SNRNP200: variants seen among roughly 807,000 people sequenced by gnomAD.
SNRNP200 encodes U5 small nuclear ribonucleoprotein 200 kDa helicase.
A neutral mutation model predicts 255.2 loss-of-function variants in SNRNP200; 66 were observed. That is an observed-to-expected ratio of 0.26 (90% CI 0.21 to 0.32). The LOEUF (loss-of-function observed/expected upper bound fraction) is 0.32, where lower values mean the gene tolerates loss of function less well. Ranked by LOEUF, SNRNP200 falls within the 10% of genes least tolerant of loss-of-function variation. The pLI, the probability that SNRNP200 is intolerant of heterozygous loss-of-function variation, is 1.00. For synonymous variants in SNRNP200, 939 were observed against 1,027.8 expected (o/e 0.91, Z 1.65); for missense variants, 1,585 against 2,749.8 (o/e 0.58, Z 9.47).
At chr2:96,297,752 C>A in intron 9 of SNRNP200, 32 bp from the exon 10 acceptor site, 1 of 1,611,436 alleles carries the variant, frequency 6.2e-7, no homozygotes, top group Non-Finnish European at 8.5e-7. Flanking sequence ...ATCACAAAAA[C>A]AATTCATCAG....
Position 96,305,439 on chromosome 2 carries a change from G to A in SNRNP200, c.-2C>T, listed in dbSNP as rs139849028. 3.4e-5 allele frequency: 55 copies of A among 1,614,130 alleles called. No individual in the cohort carries two copies. In the African/African-American group the frequency reaches 3.9e-4, roughly 11 times the overall value. On this transcript the variant is annotated 5_prime_UTR_variant, in exon 1 of 45. Coordinates refer to ENST00000323853, the MANE Select transcript of SNRNP200 (RefSeq NM_014014.5). ...ACTACGGGCGGTTACATCCGCCATG[G>A]CCGCGGCTGCTCGGAGGCTTCAGAC...
chr2:96,280,374 G>A (rs1684738272), intron 35 of SNRNP200, among the ~76,000 whole-genome samples: 1 of 151,856 alleles, frequency 6.6e-6, no homozygotes, highest in Non-Finnish European at 1.5e-5. Context: ...GGCACATGCT[G>A]GTAGTCCCAG....
chr2:96,290,904 C>G lies in SNRNP200; in HGVS notation c.2422-89G>C, dbSNP rs1024874290. 1.5e-5 allele frequency: 24 copies of G among 1,554,860 alleles called. No individual in the cohort carries two copies. In the African/African-American group the frequency reaches 2.7e-4, roughly 18 times the overall value. On this transcript the variant is annotated intron_variant, in intron 18 of 44. Coordinates refer to ENST00000323853, the MANE Select transcript of SNRNP200 (RefSeq NM_014014.5). This position sits in a 1 kb window ranked among gnomAD's most constrained non-coding sequence, Gnocchi z 4.5. The stretch of plus-strand genomic sequence containing the variant: ...CTTCTCTAGGCAGTTGGCCTCAGAG[C>G]TTCTCTCAGGACTAGCCGGTAGGGC...
Position 96,287,821 on chromosome 2 carries a change from C to G in SNRNP200, c.3365+42G>C, listed in dbSNP as rs2063852757. 1.3e-6 allele frequency: 2 copies of G among 1,557,822 alleles called. No homozygotes were observed. Among genetic ancestry groups the G allele is most frequent in the East Asian group, 4.5e-5 (2 of 44,610 alleles). ...CCCATCAGACCCTTGGGTTGGGGAC[C>G]CCCACTCATGGTGACCAGCATCCAG... On this transcript the variant is annotated intron_variant, in intron 25 of 44. Transcript: ENST00000323853. The surrounding 1 kb of genome is among the most constrained non-coding windows in gnomAD (Gnocchi z 5.7).
At position 96,286,043 on chromosome 2, in the gene SNRNP200, G is replaced by A. The variant is rs1384677919; in HGVS notation, c.4003+268C>T. The stretch of plus-strand genomic sequence containing the variant: ...GTTCTGGTTCAATACTTGAGCGCCA[G>A]GGGCAGGCCTCTAAGCCTCCTGGGC... On this transcript the variant is annotated intron_variant, in intron 29 of 44. Coordinates refer to ENST00000323853, the MANE Select transcript of SNRNP200 (RefSeq NM_014014.5). This position sits in a 1 kb window ranked among gnomAD's most constrained non-coding sequence, Gnocchi z 4.8. Among the ~76,000 whole-genome samples, 1 of 152,234 alleles carries A rather than the reference G, an allele frequency of 6.6e-6. No individual in the cohort carries two copies. The highest frequency in any genetic ancestry group is 1.9e-4 in the East Asian group (1 of 5,196).
At chr2:96,288,991 C>T (rs759958479) in intron 23 of SNRNP200, 46 bp downstream of exon 23, 1 of 1,517,786 alleles carries the variant, frequency 6.6e-7, no homozygotes, top group Non-Finnish European at 9.0e-7. Flanking sequence ...ATTATGAAAA[C>T]CACTTAATCC....
rs2063980184 is a variant in SNRNP200 at position 96,305,244 on chromosome 2, C to T, written c.45+149G>A. 8.4e-6 allele frequency: 9 copies of T among 1,067,392 alleles called. No individual in the cohort carries two copies. In the East Asian group the frequency reaches 2.2e-4, roughly 26 times the overall value. 66.1% of individuals were successfully genotyped at this position (1,067,392 alleles called of 1,614,324 possible). On this transcript the variant is annotated intron_variant, in intron 1 of 44. Transcript: ENST00000323853. ...CCAGACCCCAGTAGGTTATTCACGT[C>T]ATCGTATAACCCCCACCTTCACCCC...
chr2:96,283,606 C>A lies in SNRNP200; in HGVS notation c.4692G>T (p.Pro1564=). 1 of 1,614,054 alleles carries A rather than the reference C, an allele frequency of 6.2e-7. No individual in the cohort carries two copies. The highest frequency in any genetic ancestry group is 8.5e-7 in the Non-Finnish European group (1 of 1,180,038). ...CAGTGAGGCGGGTCTGCTTGCGAGA[C>A]GGCACAAAGACAATGACAGGCTTCT... The part of the protein sequence containing the change: ...SPKKPVIVFV[P]SRKQTRLTAI... Residue 1564 remains proline, a synonymous_variant, in exon 33 of 45, where the codon CCG becomes CCT. Transcript: ENST00000323853. This position sits in a 1 kb window ranked among gnomAD's most constrained non-coding sequence, Gnocchi z 4.7.
Position 96,290,148 on chromosome 2 carries a change from T to C in SNRNP200, c.2743-152A>G. The C allele has an allele frequency of 9.5e-7, 1 of 1,048,708 alleles. No individual in the cohort carries two copies. Among genetic ancestry groups the C allele is most frequent in the Admixed American group, 1.8e-5 (1 of 54,806 alleles). 65.0% of individuals were successfully genotyped at this position (1,048,708 alleles called of 1,614,324 possible). A position where few individuals can be genotyped will look rare whatever the true frequency, so the allele number is the denominator to read the frequency against. On this transcript the variant is annotated intron_variant, in intron 20 of 44. Coordinates refer to ENST00000323853, the MANE Select transcript of SNRNP200 (RefSeq NM_014014.5). The surrounding 1 kb of genome is among the most constrained non-coding windows in gnomAD (Gnocchi z 4.5). ...TTTTAGCATTTCATTATTAAAAAGA[T>C]CTAAGCGTCTTCTAAGATCTTGGTA... is the stretch of plus-strand genomic sequence containing the variant.
Position 96,290,770 on chromosome 2 carries a change from C to T in SNRNP200, c.2467G>A (p.Ala823Thr). 1 of 1,614,150 alleles carries T rather than the reference C, an allele frequency of 6.2e-7. No individual in the cohort carries two copies. The highest frequency in any genetic ancestry group is 8.5e-7 in the Non-Finnish European group (1 of 1,180,020). ...GTGCCTTTGATGATGACTGTATGTG[C>T]AGGGAGATTCACACCCCAAGCTAGA... is the stretch of plus-strand genomic sequence containing the variant. ...ATLAWGVNLP[A>T]HTVIIKGTQV... The change falls in exon 19 of 45, where the codon GCA (alanine) becomes ACA (threonine). Residue 823 changes from alanine to threonine, a missense_variant. Ala to Thr is a moderately conservative substitution (Grantham distance 58, BLOSUM62 0). Around this residue, in one of 9 missense-constraint regions of SNRNP200, gnomAD observed 140 missense variants for 274.9 expected, o/e 0.51. Coordinates refer to ENST00000323853, the MANE Select transcript of SNRNP200 (RefSeq NM_014014.5). The surrounding 1 kb of genome is among the most constrained non-coding windows in gnomAD (Gnocchi z 4.5).
intron 35 of SNRNP200, among the ~76,000 whole-genome samples, chr2:96,281,032 C>G (rs937753771): frequency 6.6e-6 from 1 of 151,402 alleles, no homozygotes; most frequent in African/African-American, 2.4e-5. Context: ...GCCATCAAAC[C>G]TGGCTAATTT....
At chr2:96,289,762 G>A (rs1248487011) in intron 21 of SNRNP200, 37 bp downstream of exon 21, 1 of 1,605,626 alleles carries the variant, frequency 6.2e-7, no homozygotes, top group East Asian at 2.2e-5. Context: ...AACAACTTTT[G>A]CTGAGACCTT....
Position 96,286,767 on chromosome 2 carries a change from G to A in SNRNP200, c.3750C>T (p.His1250=). 1 of 1,614,220 alleles carries A rather than the reference G, an allele frequency of 6.2e-7. No individual in the cohort carries two copies. Among genetic ancestry groups the A allele is most frequent in the African/African-American group, 1.3e-5 (1 of 75,040 alleles). ...AGACAGGCACGAAGAATGTAATGAG[G>A]TGCTCGTCCTGGGCGTACTTGGCCT... is the stretch of plus-strand genomic sequence containing the variant. The part of the protein sequence containing the change: ...LLKAKYAQDE[H]LITFFVPVFE... Residue 1250 remains histidine (H), a synonymous_variant, in exon 28 of 45, where the codon CAC becomes CAT. Coordinates refer to ENST00000323853, the MANE Select transcript of SNRNP200 (RefSeq NM_014014.5). This position sits in a 1 kb window ranked among gnomAD's most constrained non-coding sequence, Gnocchi z 4.8.
intron 1 of SNRNP200, 38 bp from the exon 2 acceptor site, chr2:96,304,906 G>A: frequency 6.2e-7 from 1 of 1,602,196 alleles, no homozygotes; most frequent in Non-Finnish European, 8.5e-7. Context: ...TTTGACATGA[G>A]CAGGGCCAAT....
chr2:96,298,602 C>G lies in SNRNP200; in HGVS notation c.982+1G>C. On this transcript the variant is annotated splice_donor_variant, in intron 8 of 44. Transcript: ENST00000323853. LOFTEE classifies it high-confidence loss of function. ...GCAGGAAGACCCCACCATATACTCA[C>G]TCATCATCCTGTGCTGCCGCAACAC... 6.2e-7 allele frequency: 1 copy of G among 1,613,870 alleles called. No individual in the cohort carries two copies.
At chr2:96,295,366 G>T (rs368228982) in intron 14 of SNRNP200, 122 bp downstream of exon 14, 5 of 1,468,152 alleles carry the variant, frequency 3.4e-6, no homozygotes, top group East Asian at 2.3e-5. Flanking sequence ...GGAATTGGAG[G>T]ACTAGTCATT....
chr2:96,284,025 A>C, intron 31 of SNRNP200, 21 bp from the exon 32 acceptor site: 4 of 605,308 alleles, frequency 6.6e-6, no homozygotes, highest in Non-Finnish European at 1.2e-5. Context: ...GGAGGGAGGG[A>C]GGGTCACTGC....
At position 96,290,327 on chromosome 2, in the gene SNRNP200, T is replaced by C. The variant is rs776940125; in HGVS notation, c.2741A>G (p.Lys914Arg). ...EIVLGNVQNA[K>R]DAVNWLGYAY... ...GCACAACAAGCAGTCCTCCCCTACC[T>C]TGGCATTCTGGACATTTCCTAGCAC... is the stretch of plus-strand genomic sequence containing the variant. The change falls in exon 20 of 45, where the codon AAG becomes AGG. Residue 914 changes from lysine to arginine, a missense_variant and splice_region_variant. By Grantham distance (26) the Lys-to-Arg change is conservative. Around this residue, in one of 9 missense-constraint regions of SNRNP200, gnomAD observed 719 missense variants for 1,091.1 expected, o/e 0.66. Coordinates refer to ENST00000323853, the MANE Select transcript of SNRNP200 (RefSeq NM_014014.5). This position sits in a 1 kb window ranked among gnomAD's most constrained non-coding sequence, Gnocchi z 4.5. 2 of 1,613,798 alleles carry C rather than the reference T, an allele frequency of 1.2e-6. No individual in the cohort carries two copies. The highest frequency in any genetic ancestry group is 2.7e-5 in the African/African-American group (2 of 74,900).
In SNRNP200 at chr2:96,278,474, T is replaced by C. The variant is rs1309545149; in HGVS notation, c.5488+73A>G. The C allele has an allele frequency of 1.2e-6, 2 of 1,610,686 alleles. No homozygotes were observed. The highest frequency in any genetic ancestry group is 1.7e-6 in the Non-Finnish European group (2 of 1,179,392). On this transcript the variant is annotated intron_variant, in intron 38 of 44. Coordinates refer to ENST00000323853, the MANE Select transcript of SNRNP200 (RefSeq NM_014014.5). This position sits in a 1 kb window ranked among gnomAD's most constrained non-coding sequence, Gnocchi z 6.9. ...TCCCGCTGACAAACACGGGCGCACC[T>C]CTCATCCCAGTGGGCTCCTGACCCG... is the stretch of plus-strand genomic sequence containing the variant.
Sources: allele counts gnomAD v4.1 joint callset (sites outside exome capture counted in the v4.1 genomes callset), GRCh38; gene constraint gnomAD v4.1.1; regional missense constraint gnomAD v4.1.1; non-coding constraint Gnocchi (gnomAD v3.1); transcripts MANE v1.5; gene names NCBI Gene and HGNC (gene_info 2026-07-23, HGNC 2026-07-21).